The following PCDHGA4 variants were observed in gnomAD, a reference collection of about 807,000 sequenced individuals.
PCDHGA4 encodes the protein protocadherin gamma-A4.
PCDHGA4 carries 38 observed loss-of-function variants against 54.6 expected under a neutral mutation model. That is an observed-to-expected ratio of 0.70 (90% CI 0.54 to 0.91). The LOEUF is 0.91. Ranked by LOEUF, PCDHGA4 falls within the 40% of genes least tolerant of loss-of-function variation. The probability of loss-of-function intolerance (pLI) is 0.00; values close to 1 mark genes in which losing one functional copy is unlikely to be tolerated. For synonymous variants in PCDHGA4, 511 were observed against 512.9 expected (o/e 1.00, Z 0.05); for missense variants, 1,298 against 1,220.9 (o/e 1.06, Z -0.94).
At chr5:141,466,107 G>T (rs1463944825) in intron 1 of PCDHGA4, among the ~76,000 whole-genome samples, 1 of 151,928 alleles carries the variant, frequency 6.6e-6, no homozygotes, top group East Asian at 1.9e-4. Flanking sequence ...GGGCAACAGA[G>T]TGAGACTCCA....
intron 1 of PCDHGA4, chr5:141,374,905 C>T (rs756655009): frequency 1.2e-6 from 2 of 1,613,616 alleles, no homozygotes; most frequent in Non-Finnish European, 8.5e-7. Flanking sequence ...AAGGAGTCCA[C>T]GGGGAAGTAA....
chr5:141,384,524 T>C, intron 1 of PCDHGA4: 1 of 1,614,208 alleles, frequency 6.2e-7, no homozygotes. Context: ...GACCCGCCTC[T>C]CAGCAGCAAC....
chr5:141,421,997 G>A, intron 1 of PCDHGA4: 1 of 1,609,178 alleles, frequency 6.2e-7, no homozygotes. Flanking sequence ...GAAAACATCA[G>A]CTCCGGAACT....
intron 1 of PCDHGA4, chr5:141,392,828 G>T: frequency 6.2e-7 from 1 of 1,604,008 alleles, no homozygotes; most frequent in Non-Finnish European, 8.5e-7. Context: ...CCGCTCCACA[G>T]AGTCGCCCCA....
intron 3 of PCDHGA4, among the ~76,000 whole-genome samples, chr5:141,509,049 C>G (rs1384134813): frequency 3.3e-5 from 5 of 152,150 alleles, no homozygotes; most frequent in Non-Finnish European, 5.9e-5. Context: ...TCCCCCGCCC[C>G]CAGAAAGCTC....
At position 141,490,938 on chromosome 5, in the gene PCDHGA4, C is replaced by T. The variant is rs2099706179; in HGVS notation, c.2515-3869C>T. ...ATGATAATGCCCCAGCTGTGCTGCA[C>T]CCACGGCCAGACTGGGAACACTCAG... On this transcript the variant is annotated intron_variant, in intron 1 of 3. Coordinates refer to ENST00000571252, the MANE Select transcript of PCDHGA4 (RefSeq NM_018917.4). This position sits in a 1 kb window ranked among gnomAD's most constrained non-coding sequence, Gnocchi z 5.4. 6.2e-7 allele frequency: 1 copy of T among 1,613,554 alleles called. No homozygotes were observed. Among genetic ancestry groups the T allele is most frequent in the African/African-American group, 1.3e-5 (1 of 74,934 alleles).
chr5:141,401,508 C>G (rs2094162050), intron 1 of PCDHGA4, among the ~76,000 whole-genome samples: 1 of 152,302 alleles, frequency 6.6e-6, no homozygotes, highest in East Asian at 1.9e-4. Flanking sequence ...TTTTCCACCT[C>G]TATATAATTA....
At chr5:141,416,620 G>T (rs1395913352) in intron 1 of PCDHGA4, 1 of 152,142 alleles carries the variant, frequency 6.6e-6, no homozygotes, top group Non-Finnish European at 1.5e-5. Flanking sequence ...CATTTCTGCA[G>T]ATCAGAATAT....
chr5:141,433,641 G>T (rs1177387884), intron 1 of PCDHGA4, among the ~76,000 whole-genome samples: 1 of 152,104 alleles, frequency 6.6e-6, no homozygotes, highest in Admixed American at 6.5e-5. Flanking sequence ...TTTGAGACCA[G>T]CCTGACCAAC....
chr5:141,366,665 C>A (rs779874955), intron 1 of PCDHGA4: 2 of 1,614,100 alleles, frequency 1.2e-6, no homozygotes, highest in East Asian at 4.5e-5. Context: ...CGCAGACACG[C>A]TCCTTAGTGA....
chr5:141,432,706 C>T lies in PCDHGA4; in HGVS notation c.2515-62101C>T, dbSNP rs761752571. ...GCCTCGTAGTGGCCGTCCAGGACCA[C>T]GGCCAGCCCCCTCTCTCCGCCACTG... On this transcript the variant is annotated intron_variant, in intron 1 of 3. Transcript: ENST00000571252. The surrounding 1 kb of genome is among the most constrained non-coding windows in gnomAD (Gnocchi z 6.0). 10 of 1,613,870 alleles carry T rather than the reference C, an allele frequency of 6.2e-6. No homozygotes were observed. The East Asian group carries it at 1.1e-4, about 18-fold the overall frequency.
intron 3 of PCDHGA4, among the ~76,000 whole-genome samples, chr5:141,506,833 C>A (rs1462038297): frequency 1.3e-5 from 2 of 152,092 alleles, no homozygotes; most frequent in African/African-American, 4.8e-5. Context: ...AACTGATAGC[C>A]CTGCCCTCCA....
At position 141,476,455 on chromosome 5, in the gene PCDHGA4, G is replaced by A. The variant is rs572682842; in HGVS notation, c.2515-18352G>A. The A allele has an allele frequency of 1.2e-6, 2 of 1,614,034 alleles. No individual in the cohort carries two copies. The highest frequency in any genetic ancestry group is 2.2e-5 in the South Asian group (2 of 91,084). ...CTGTAACTCTGGAGTTGGTAGTGGA[G>A]AACCCGCTGGAGCTGTTCAGCGTGG... On this transcript the variant is annotated intron_variant, in intron 1 of 3. Coordinates refer to ENST00000571252, the MANE Select transcript of PCDHGA4 (RefSeq NM_018917.4). This position sits in a 1 kb window ranked among gnomAD's most constrained non-coding sequence, Gnocchi z 7.6.
intron 1 of PCDHGA4, chr5:141,362,021 C>T (rs1233254898): frequency 6.2e-7 from 1 of 1,607,220 alleles, no homozygotes; most frequent in South Asian, 1.1e-5. Flanking sequence ...GTGCGCACAG[C>T]GCGTGCCTTG....
At chr5:141,427,683 G>A (rs761750638) in intron 1 of PCDHGA4, 3 of 836,052 alleles carry the variant, frequency 3.6e-6, no homozygotes, top group South Asian at 2.8e-5. Flanking sequence ...CCTTCCCGGA[G>A]CCTCCATCCC....
chr5:141,506,025 A>T (rs2099850088), intron 3 of PCDHGA4, among the ~76,000 whole-genome samples: 1 of 152,150 alleles, frequency 6.6e-6, no homozygotes, highest in African/African-American at 2.4e-5. Context: ...CCCTAACTCC[A>T]GAGTAGGATT....
intron 1 of PCDHGA4, among the ~76,000 whole-genome samples, chr5:141,451,788 A>C (rs531473040): frequency 6.6e-6 from 1 of 152,140 alleles, no homozygotes; most frequent in African/African-American, 2.4e-5. Flanking sequence ...GGCTGAGGCC[A>C]GAGAATTGCT....
chr5:141,358,600 A>T (rs1210662603), intron 1 of PCDHGA4, among the ~76,000 whole-genome samples: 1 of 152,208 alleles, frequency 6.6e-6, no homozygotes. Context: ...CACTCCTGTG[A>T]TTATGAGAAA....
At chr5:141,404,015 C>T in intron 1 of PCDHGA4, 1 of 1,613,622 alleles carries the variant, frequency 6.2e-7, no homozygotes. Context: ...TCTGTTTAGC[C>T]CAGTGAGAGA....
Sources: allele counts gnomAD v4.1 joint callset (sites outside exome capture counted in the v4.1 genomes callset), GRCh38; gene constraint gnomAD v4.1.1; non-coding constraint Gnocchi (gnomAD v3.1); transcripts MANE v1.5; gene names NCBI Gene and HGNC (gene_info 2026-07-23, HGNC 2026-07-21).